The following HEATR5A variants were observed in gnomAD, a reference collection of about 807,000 sequenced individuals.
The protein encoded by HEATR5A is HEAT repeat containing 5A.
HEATR5A carries 178 observed loss-of-function variants against 218.8 expected under a neutral mutation model. The ratio of observed to expected loss-of-function variants is 0.81; its 90% confidence interval spans 0.72 to 0.92. The LOEUF is 0.92. Ranked by LOEUF, HEATR5A falls within the 40% of genes least tolerant of loss-of-function variation. The pLI is 0.00. For missense variants in HEATR5A, 2,420 were observed against 2,418.9 expected (o/e 1.00, Z -0.01); for synonymous variants, 864 against 871.6 (o/e 0.99, Z 0.15).
In HEATR5A at chr14:31,296,044, T is replaced by C; in HGVS notation, c.5484A>G (p.Glu1828=). Residue 1828 remains glutamate (E), a synonymous_variant, in exon 34 of 36, where the codon GAA becomes GAG. Transcript: ENST00000543095. The part of the protein sequence containing the change: ...CWDPVDETHQ[E]LDEVSLLTAI... ...CAGTAAGTAGACTGACTTCATCAAGTTCTTGGTGTGTTTCATCAACTAAAG... is the reference window on the plus strand; with the variant it reads ...CAGTAAGTAGACTGACTTCATCAAGCTCTTGGTGTGTTTCATCAACTAAAG... 1 of 1,613,468 alleles carries C rather than the reference T, an allele frequency of 6.2e-7. No individual in the cohort carries two copies. Among genetic ancestry groups the C allele is most frequent in the Non-Finnish European group, 8.5e-7 (1 of 1,179,544 alleles).
chr14:31,347,109 T>C (rs189510472), intron 19 of HEATR5A, among the ~76,000 whole-genome samples: 219 of 152,328 alleles, frequency 1.4e-3, no homozygotes, highest in African/African-American at 4.1e-3. Context: ...AATAAATTAT[T>C]ACAAGGACTA....
rs1262759613 is a variant in HEATR5A at position 31,305,029 on chromosome 14, A to G, written c.5115T>C (p.Pro1705=). Residue 1705 remains proline (P), a synonymous_variant, in exon 32 of 36, where the codon CCT becomes CCC. Transcript: ENST00000543095. ...ILVRQLPELN[P]KLTGSPGVKA... is the part of the protein sequence containing the mutation. The stretch of plus-strand genomic sequence containing the variant: ...TTACTCCTGGGCTACCTGTCAATTT[A>G]GGGTTTAATTCTGGGAGCTGTCTAA... 3.7e-6 allele frequency: 6 copies of G among 1,613,838 alleles called. No homozygotes were observed. Among genetic ancestry groups the G allele is most frequent in the Non-Finnish European group, 5.1e-6 (6 of 1,179,896 alleles).
intron 33 of HEATR5A, among the ~76,000 whole-genome samples, chr14:31,300,638 C>T (rs1899340330): frequency 6.6e-6 from 1 of 152,162 alleles, no homozygotes; most frequent in Non-Finnish European, 1.5e-5. Flanking sequence ...CATTTGAAGT[C>T]CAGGCCATTT....
At chr14:31,298,001 A>C (rs1899247173) in intron 33 of HEATR5A, among the ~76,000 whole-genome samples, 1 of 152,194 alleles carries the variant, frequency 6.6e-6, no homozygotes, top group Non-Finnish European at 1.5e-5. Flanking sequence ...CAGCAAGATA[A>C]AGTTCTCCTG....
Position 31,371,839 on chromosome 14 carries a change from TG to T in HEATR5A, c.1931del (p.Pro644HisfsTer9). The T allele has an allele frequency of 6.5e-7, 1 of 1,545,170 alleles. No individual in the cohort carries two copies. On this transcript the variant is annotated frameshift_variant, in exon 13 of 36. Transcript: ENST00000543095. LOFTEE classifies it high-confidence loss of function. ...TEEVTQRLLP[P>X]LPCAVDLLTQ... ...TTAGCAAATCCACAGCACAAGGAAG[TG>T]GTGGAAGAAGACGCTGAGTTACTTC...
At chr14:31,383,216 T>C (rs911761485) in intron 10 of HEATR5A, among the ~76,000 whole-genome samples, 3 of 152,240 alleles carry the variant, frequency 2.0e-5, no homozygotes, top group East Asian at 1.9e-4. Context: ...TCTACTTATA[T>C]TGAAAACCTT....
intron 22 of HEATR5A, among the ~76,000 whole-genome samples, chr14:31,327,286 CTTTTTTTTT>C (rs71951930): frequency 4.4e-5 from 2 of 45,158 alleles, no homozygotes; most frequent in South Asian, 1.1e-3. Flanking sequence ...TCCAGTGGCA[CTTTTTTTTT>C]TTTTTTTTTT....
chr14:31,397,736 A>G (rs1387458079), intron 4 of HEATR5A, among the ~76,000 whole-genome samples: 1 of 150,822 alleles, frequency 6.6e-6, no homozygotes, highest in Non-Finnish European at 1.5e-5. Context: ...ATAGCTCACG[A>G]CAGCCTCGAA....
chr14:31,389,716 A>G (rs114603315), intron 6 of HEATR5A, among the ~76,000 whole-genome samples: 1,783 of 152,282 alleles, frequency 0.012, 19 homozygotes, highest in African/African-American at 0.035. Flanking sequence ...GACCCTCTAC[A>G]AGAGTACAGA....
At chr14:31,317,859 T>A (rs1473033704) in intron 26 of HEATR5A, among the ~76,000 whole-genome samples, 1 of 152,164 alleles carries the variant, frequency 6.6e-6, no homozygotes, top group African/African-American at 2.4e-5. Flanking sequence ...ACCTCTAATA[T>A]CCATCAATTA....
intron 14 of HEATR5A, 80 bp from the exon 15 acceptor site, chr14:31,359,137 T>G: frequency 7.3e-7 from 1 of 1,374,756 alleles, no homozygotes; most frequent in East Asian, 2.4e-5. Flanking sequence ...AGGTTGAGCT[T>G]TAATGCACCC....
chr14:31,374,924 A>G lies in HEATR5A; in HGVS notation c.1753T>C (p.Trp585Arg). The G allele has an allele frequency of 6.2e-7, 1 of 1,612,514 alleles. No homozygotes were observed. Among genetic ancestry groups the G allele is most frequent in the Non-Finnish European group, 8.5e-7 (1 of 1,179,246 alleles). The part of the protein sequence containing the change: ...SHHLARVLLL[W>R]KCVFPASPKD... ...GGAGATGCTGGAAAGACACACTTCC[A>G]CAACAGCAGAACTCGAGCAAGGTGA... The change falls in exon 12 of 36, where the codon TGG becomes CGG. Residue 585 changes from tryptophan (W) to arginine (R), a missense_variant. Transcript: ENST00000543095.
At chr14:31,405,251 C>T (rs1465691197) in intron 1 of HEATR5A, among the ~76,000 whole-genome samples, 6 of 151,872 alleles carry the variant, frequency 4.0e-5, no homozygotes, top group African/African-American at 1.2e-4. Flanking sequence ...CTGGGCAACA[C>T]GGCAAAACCC....
chr14:31,401,751 A>C (rs2030886747), intron 2 of HEATR5A, among the ~76,000 whole-genome samples: 1 of 152,254 alleles, frequency 6.6e-6, no homozygotes, highest in Admixed American at 6.5e-5. Flanking sequence ...ATATAGCTGC[A>C]TAAAGCAGTA....
At position 31,345,058 on chromosome 14, in the gene HEATR5A, T is replaced by C. The variant is rs1266337159; in HGVS notation, c.3058+29A>G. 3 of 1,568,744 alleles carry C rather than the reference T, an allele frequency of 1.9e-6. No individual in the cohort carries two copies. The East Asian group carries it at 6.7e-5, about 35-fold the overall frequency. On this transcript the variant is annotated intron_variant, in intron 20 of 35. Coordinates refer to ENST00000543095, the MANE Select transcript of HEATR5A (RefSeq NM_015473.4). ...ACTTTTATGTGTATTATTTTTAATG[T>C]AAAACATCACAAAAGCAGCTATGCA...
At chr14:31,377,708 G>A (rs1009792965) in intron 11 of HEATR5A, among the ~76,000 whole-genome samples, 5 of 152,004 alleles carry the variant, frequency 3.3e-5, no homozygotes, top group African/African-American at 1.2e-4. Flanking sequence ...AGCCTGCGGA[G>A]GTCGAGGCTG....
At chr14:31,338,382 T>C (rs1900734514) in intron 21 of HEATR5A, among the ~76,000 whole-genome samples, 1 of 152,102 alleles carries the variant, frequency 6.6e-6, no homozygotes, top group African/African-American at 2.4e-5. Context: ...GAGACAAGCA[T>C]TACAGAACAC....
Position 31,309,169 on chromosome 14 carries a change from G to A in HEATR5A, c.4455C>T (p.Tyr1485=), listed in dbSNP as rs745606391. 8.1e-6 allele frequency: 13 copies of A among 1,613,466 alleles called. No homozygotes were observed. In the South Asian group the frequency reaches 1.3e-4, roughly 16 times the overall value. ...TTGCATTTTCACTAGTCTCTGCTGT[G>A]TAGAAAGCACCACCTAAAGCAAACA... is the stretch of plus-strand genomic sequence containing the variant. ...SQLPAEGGAF[Y]TAETSENAKL... Residue 1485 remains tyrosine (Y), a synonymous_variant, in exon 29 of 36, where the codon TAC becomes TAT. Coordinates refer to ENST00000543095, the MANE Select transcript of HEATR5A (RefSeq NM_015473.4).
At chr14:31,408,024 A>G (rs1429988415) in intron 1 of HEATR5A, among the ~76,000 whole-genome samples, 1 of 152,194 alleles carries the variant, frequency 6.6e-6, no homozygotes, top group African/African-American at 2.4e-5. Flanking sequence ...TAACTGAACT[A>G]AGTTATAAAG....
Sources: allele counts gnomAD v4.1 joint callset (sites outside exome capture counted in the v4.1 genomes callset), GRCh38; gene constraint gnomAD v4.1.1; transcripts MANE v1.5; gene names NCBI Gene and HGNC (gene_info 2026-07-23, HGNC 2026-07-21).